TMEM163: variants seen among roughly 807,000 people sequenced by gnomAD.
The protein encoded by TMEM163 is transmembrane protein 163.
TMEM163 carries 17 observed loss-of-function variants against 29.3 expected under a neutral mutation model. That is an observed-to-expected ratio of 0.58 (90% CI 0.40 to 0.87). The LOEUF is 0.87. TMEM163 is among the 40% of genes least tolerant of loss of function. TMEM163 has a pLI of 0.00. For synonymous variants in TMEM163, 157 were observed against 160.6 expected (o/e 0.98, Z 0.17); for missense variants, 303 against 381.5 (o/e 0.79, Z 1.71).
At chr2:134,463,561 G>A (rs1481892868) in intron 6 of TMEM163, among the ~76,000 whole-genome samples, 4 of 152,178 alleles carry the variant, frequency 2.6e-5, no homozygotes, top group African/African-American at 7.2e-5. Flanking sequence ...AGTGGGTGAC[G>A]GAGACCCCAG....
intron 2 of TMEM163, among the ~76,000 whole-genome samples, chr2:134,555,493 G>A (rs1681030435): frequency 6.6e-6 from 1 of 152,188 alleles, no homozygotes; most frequent in African/African-American, 2.4e-5. Flanking sequence ...ATTAAACAGT[G>A]GACAAGAAAC....
intron 4 of TMEM163, among the ~76,000 whole-genome samples, chr2:134,517,578 C>T (rs916811611): frequency 3.3e-5 from 5 of 152,084 alleles, no homozygotes; most frequent in Non-Finnish European, 7.4e-5. Flanking sequence ...ACTGGAATAG[C>T]AATATTGCTG....
chr2:134,684,501 C>A (rs892623879), intron 2 of TMEM163, among the ~76,000 whole-genome samples: 2 of 152,160 alleles, frequency 1.3e-5, no homozygotes, highest in African/African-American at 4.8e-5. Context: ...TCTGAGGGAA[C>A]CCCATGAGCA....
intron 4 of TMEM163, among the ~76,000 whole-genome samples, chr2:134,507,791 T>C (rs545260911): frequency 6.6e-6 from 1 of 152,246 alleles, no homozygotes; most frequent in African/African-American, 2.4e-5. Context: ...CAGGAGGTTA[T>C]GGCTATAGTG....
chr2:134,497,062 C>T lies in TMEM163; in HGVS notation c.555+5839G>A, dbSNP rs577609502. On this transcript the variant is annotated intron_variant, in intron 5 of 7. Transcript: ENST00000281924. ...TACTGGGGAAGGTCCCCACATACCT[C>T]CCCCTACTCCAGGCTTGACAAAAAA... Among the ~76,000 whole-genome samples, 38 of 152,286 alleles carry T rather than the reference C, an allele frequency of 2.5e-4. 1 individual carries two copies. Among genetic ancestry groups the T allele is most frequent in the Admixed American group, 2.4e-3 (36 of 15,300 alleles).
intron 2 of TMEM163, among the ~76,000 whole-genome samples, chr2:134,606,303 AT>A (rs1186407763): frequency 6.6e-6 from 1 of 151,302 alleles, no homozygotes; most frequent in Non-Finnish European, 1.5e-5. Flanking sequence ...AGACCGCACC[AT>A]TGCACTCCAG....
intron 2 of TMEM163, among the ~76,000 whole-genome samples, chr2:134,569,116 C>A (rs1159382900): frequency 1.3e-5 from 2 of 152,124 alleles, no homozygotes; most frequent in African/African-American, 4.8e-5. Context: ...AGCTATAAAT[C>A]AAAAATGAAT....
chr2:134,508,518 A>C (rs1679877366), intron 4 of TMEM163, among the ~76,000 whole-genome samples: 1 of 152,222 alleles, frequency 6.6e-6, no homozygotes, highest in South Asian at 2.1e-4. Flanking sequence ...CATTTCAAAC[A>C]AAGCCACAGA....
intron 2 of TMEM163, among the ~76,000 whole-genome samples, chr2:134,675,379 A>T (rs1397049350): frequency 6.6e-6 from 1 of 152,246 alleles, no homozygotes; most frequent in Non-Finnish European, 1.5e-5. Flanking sequence ...TTTAAACTTT[A>T]GCCACTTGTA....
chr2:134,629,763 C>T (rs1682928811), intron 2 of TMEM163, among the ~76,000 whole-genome samples: 1 of 152,160 alleles, frequency 6.6e-6, no homozygotes, highest in African/African-American at 2.4e-5. Flanking sequence ...GCACAGGTTT[C>T]ACATAAGAGT....
chr2:134,696,906 G>T (rs542659177), intron 2 of TMEM163, among the ~76,000 whole-genome samples: 3 of 152,258 alleles, frequency 2.0e-5, no homozygotes, highest in African/African-American at 7.2e-5. Flanking sequence ...CCCCCGAGTA[G>T]CTGGGATTAC....
At chr2:134,706,067 C>T (rs150233215) in intron 2 of TMEM163, among the ~76,000 whole-genome samples, 1 of 152,194 alleles carries the variant, frequency 6.6e-6, no homozygotes, top group African/African-American at 2.4e-5. Flanking sequence ...GCTGCTGAGA[C>T]CCCTCCCCCA....
chr2:134,506,142 A>G (rs568879120), intron 4 of TMEM163, among the ~76,000 whole-genome samples: 1 of 152,346 alleles, frequency 6.6e-6, no homozygotes, highest in East Asian at 1.9e-4. Flanking sequence ...ATTAAAGTTG[A>G]ATTTCACAGA....
At chr2:134,672,359 T>C (rs1359366980) in intron 2 of TMEM163, among the ~76,000 whole-genome samples, 1 of 152,128 alleles carries the variant, frequency 6.6e-6, no homozygotes, top group Admixed American at 6.5e-5. Flanking sequence ...AAAACCAAAT[T>C]TATGTATTTA....
At chr2:134,699,751 C>G (rs1272846940) in intron 2 of TMEM163, among the ~76,000 whole-genome samples, 1 of 151,938 alleles carries the variant, frequency 6.6e-6, no homozygotes, top group Admixed American at 6.6e-5. Flanking sequence ...TCTGTTTCTA[C>G]CTATAATCCC....
At chr2:134,536,251 T>C (rs1680538109) in intron 4 of TMEM163, among the ~76,000 whole-genome samples, 1 of 152,054 alleles carries the variant, frequency 6.6e-6, no homozygotes, top group Non-Finnish European at 1.5e-5. Flanking sequence ...CCTCTCAGAT[T>C]GGGAAAACAA....
intron 2 of TMEM163, among the ~76,000 whole-genome samples, chr2:134,625,007 T>C (rs1429476672): frequency 6.6e-6 from 1 of 152,234 alleles, no homozygotes; most frequent in African/African-American, 2.4e-5. Context: ...TTAGTGTATG[T>C]ATGCTGAATG....
At chr2:134,685,505 ATTAT>A (rs1360396377) in intron 2 of TMEM163, among the ~76,000 whole-genome samples, 1 of 152,200 alleles carries the variant, frequency 6.6e-6, no homozygotes, top group African/African-American at 2.4e-5. Flanking sequence ...ATGGACATGA[ATTAT>A]TTATGAGTAA....
intron 5 of TMEM163, among the ~76,000 whole-genome samples, chr2:134,478,902 AG>A (rs1686979789): frequency 6.6e-6 from 1 of 152,218 alleles, no homozygotes; most frequent in Admixed American, 6.5e-5. Flanking sequence ...ATCCAGGCCC[AG>A]GGCTCTTGCT....
Sources: allele counts gnomAD v4.1 joint callset (sites outside exome capture counted in the v4.1 genomes callset), GRCh38; gene constraint gnomAD v4.1.1; transcripts MANE v1.5; gene names NCBI Gene and HGNC (gene_info 2026-07-23, HGNC 2026-07-21).